Variants in ME1 observed in about 807,000 individuals in gnomAD.
ME1 encodes malic enzyme 1, also known as NADP-dependent malic enzyme.
In ME1, 74 loss-of-function variants were observed where a neutral mutation model predicts 66.4. The observed-to-expected ratio is 1.11, with a 90% confidence interval of 0.92 to 1.35. ME1 has a LOEUF of 1.35. ME1 is among the 40% of genes most tolerant of loss of function. The pLI, the probability that ME1 is intolerant of heterozygous loss-of-function variation, is 0.00. For missense variants in ME1, 750 were observed against 694.1 expected, an observed-to-expected ratio of 1.08 and a Z score of -0.90; for synonymous variants, 251 against 235.6, an observed-to-expected ratio of 1.07 and a Z score of -0.60.
At chr6:83,416,005 G>T (rs1240297696) in intron 1 of ME1, among the ~76,000 whole-genome samples, 1 of 152,142 alleles carries the variant, frequency 6.6e-6, no homozygotes, top group African/African-American at 2.4e-5. Context: ...CAACAAATAT[G>T]ACTGAATAGC....
At chr6:83,383,070 A>G (rs1006187364) in intron 3 of ME1, among the ~76,000 whole-genome samples, 3 of 151,918 alleles carry the variant, frequency 2.0e-5, no homozygotes, top group African/African-American at 7.3e-5. Flanking sequence ...CAAACTGCAG[A>G]TTTTAGACTT....
intron 6 of ME1, among the ~76,000 whole-genome samples, chr6:83,271,431 A>ATT (rs367550673): frequency 6.6e-6 from 1 of 152,104 alleles, no homozygotes; most frequent in Non-Finnish European, 1.5e-5. Flanking sequence ...GTTTTTTGAA[A>ATT]TTTGGCAATG....
chr6:83,430,859 G>C lies in ME1; in HGVS notation c.78+18C>G, dbSNP rs1197445815. 1.3e-6 allele frequency: 2 copies of C among 1,590,420 alleles called. No homozygotes were observed. ...TAGAGAGGGGCCGATGGGCGGCCAG[G>C]TGGGCCTGCGGGTTTACCTTGTTGA... is the stretch of plus-strand genomic sequence containing the variant. On this transcript the variant is annotated intron_variant, in intron 1 of 13. Coordinates refer to ENST00000369705, the MANE Select transcript of ME1 (RefSeq NM_002395.6).
chr6:83,356,545 C>T (rs972119756), intron 3 of ME1, among the ~76,000 whole-genome samples: 1 of 152,054 alleles, frequency 6.6e-6, no homozygotes, highest in Non-Finnish European at 1.5e-5. Context: ...CAAGGAAAAA[C>T]ATTACAAATT....
intron 3 of ME1, among the ~76,000 whole-genome samples, chr6:83,358,414 T>A (rs1338611493): frequency 1.3e-5 from 2 of 152,110 alleles, no homozygotes; most frequent in Admixed American, 1.3e-4. Context: ...AGAGATTGTA[T>A]CTCCTGGCTT....
intron 6 of ME1, among the ~76,000 whole-genome samples, chr6:83,277,588 A>G (rs1166735419): frequency 6.6e-6 from 1 of 152,178 alleles, no homozygotes. Flanking sequence ...TTAGATTATC[A>G]AACTAAAACT....
At chr6:83,388,329 G>A (rs978386688) in intron 3 of ME1, among the ~76,000 whole-genome samples, 75 of 152,004 alleles carry the variant, frequency 4.9e-4, no homozygotes, top group African/African-American at 1.6e-3. Context: ...AAACTGATCC[G>A]TCTGCCTTGG....
Position 83,366,904 on chromosome 6 carries a change from G to A in ME1, c.363-14765C>T, listed in dbSNP as rs928456805. ...AGTTCTCAATGCCATCTAGACTAGT[G>A]AATCCTTTCCAGAAGGTTTTCAATT... On this transcript the variant is annotated intron_variant, in intron 3 of 13. Transcript: ENST00000369705. 3.3e-5 allele frequency among the ~76,000 whole-genome samples: 5 copies of A among 152,188 alleles called. No individual in the cohort carries two copies. In the East Asian group the frequency reaches 7.7e-4, roughly 23 times the overall value.
At chr6:83,217,606 GAA>G (rs1295264223) in intron 12 of ME1, among the ~76,000 whole-genome samples, 1 of 152,196 alleles carries the variant, frequency 6.6e-6, no homozygotes, top group Non-Finnish European at 1.5e-5. Flanking sequence ...GGCTAATGGT[GAA>G]ATGTGGGTGC....
In ME1 at chr6:83,216,581, C is replaced by T. The variant is rs367907680; in HGVS notation, c.1465G>A (p.Val489Met). Residue 489 changes from valine to methionine, a missense_variant, in exon 13 of 14, where the codon GTG becomes ATG. Coordinates refer to ENST00000369705, the MANE Select transcript of ME1 (RefSeq NM_002395.6). ...CCCTCTTCCAAGTGTTTATCTGACACTTGCTGAGCTATAACCTTATGAAAA... is the reference window on the plus strand; with the variant it reads ...CCCTCTTCCAAGTGTTTATCTGACATTTGCTGAGCTATAACCTTATGAAAA... ...LTTAEVIAQQ[V>M]SDKHLEEGRL... 140 of 1,608,466 alleles carry T rather than the reference C, an allele frequency of 8.7e-5. No homozygotes were observed. The highest frequency in any genetic ancestry group is 1.1e-4 in the Non-Finnish European group (135 of 1,178,226).
At chr6:83,325,332 C>T (rs1185423365) in intron 5 of ME1, among the ~76,000 whole-genome samples, 1 of 152,160 alleles carries the variant, frequency 6.6e-6, no homozygotes, top group Non-Finnish European at 1.5e-5. Context: ...TCTCACCACT[C>T]CTATTCAACA....
At chr6:83,299,558 T>C (rs1767673860) in intron 6 of ME1, among the ~76,000 whole-genome samples, 1 of 152,190 alleles carries the variant, frequency 6.6e-6, no homozygotes, top group South Asian at 2.1e-4. Flanking sequence ...AGAGATAATT[T>C]GACTTTCTCT....
chr6:83,332,840 A>G (rs868586835), intron 5 of ME1, among the ~76,000 whole-genome samples: 6 of 152,186 alleles, frequency 3.9e-5, no homozygotes, highest in Non-Finnish European at 8.8e-5. Flanking sequence ...CTAAAAGCTC[A>G]GAGTTCACCA....
At chr6:83,349,474 A>C (rs938857711) in intron 4 of ME1, among the ~76,000 whole-genome samples, 4 of 152,196 alleles carry the variant, frequency 2.6e-5, no homozygotes, top group Non-Finnish European at 4.4e-5. Context: ...ACCCCACTAT[A>C]CAAATTATTA....
At chr6:83,430,794 G>T in intron 1 of ME1, 83 bp downstream of exon 1, 1 of 1,238,212 alleles carries the variant, frequency 8.1e-7, no homozygotes, top group Admixed American at 2.2e-5. Context: ...GGAGGGGCGA[G>T]GCCATGGTGC....
rs770124490 is a variant in ME1, at chr6:83,223,929, C to T, written c.1280G>A (p.Arg427His). 39 of 1,613,456 alleles carry T rather than the reference C, an allele frequency of 2.4e-5. No individual in the cohort carries two copies. The Middle Eastern group carries it at 5.0e-4, about 20-fold the overall frequency. ...AGGACTGCCACTGGCAAAAATTGCACGTCCCTACAACAAAGACACATACAA... is the reference window on the plus strand; with the variant it reads ...AGGACTGCCACTGGCAAAAATTGCATGTCCCTACAACAAAGACACATACAA... ...AEQCYKITKG[R>H]AIFASGSPFD... Residue 427 changes from arginine (R) to histidine (H), a missense_variant, in exon 12 of 14, where the codon CGT becomes CAT. Arg to His is a conservative substitution (Grantham distance 29). Coordinates refer to ENST00000369705, the MANE Select transcript of ME1 (RefSeq NM_002395.6).
At chr6:83,421,660 A>G (rs561814618) in intron 1 of ME1, among the ~76,000 whole-genome samples, 1 of 152,198 alleles carries the variant, frequency 6.6e-6, no homozygotes, top group African/African-American at 2.4e-5. Context: ...AAAAGCTGGA[A>G]GTGCAATTGA....
intron 2 of ME1, among the ~76,000 whole-genome samples, chr6:83,402,524 A>C (rs1769858001): frequency 6.6e-6 from 1 of 152,212 alleles, no homozygotes; most frequent in Admixed American, 6.5e-5. Flanking sequence ...CATGCCTCTG[A>C]ATTAACAGGC....
At chr6:83,421,665 A>G (rs758041070) in intron 1 of ME1, among the ~76,000 whole-genome samples, 9 of 152,142 alleles carry the variant, frequency 5.9e-5, no homozygotes, top group Non-Finnish European at 1.3e-4. Context: ...CTGGAAGTGC[A>G]ATTGATTGTG....
Sources: gnomAD v4.1 joint callset for allele counts (sites outside exome capture counted in the v4.1 genomes callset) on GRCh38, gnomAD v4.1.1 for gene constraint, MANE v1.5 for transcripts, NCBI Gene and HGNC (gene_info 2026-07-23, HGNC 2026-07-21) for gene names.